Variants in GFRA2 observed in about 807,000 individuals in gnomAD.
The protein encoded by GFRA2 is GDNF family receptor alpha 2, also known as GDNF family receptor alpha-2.
In GFRA2, 17 loss-of-function variants were observed where a neutral mutation model predicts 48.3. The observed-to-expected ratio is 0.35, with a 90% CI of 0.24 to 0.53. The LOEUF (loss-of-function observed/expected upper bound fraction) is 0.53, where lower values mean the gene tolerates loss of function less well. Among genes scored for constraint, GFRA2 ranks in the 20% least tolerant of loss-of-function variants. The probability of loss-of-function intolerance (pLI) is 0.93; values close to 1 mark genes in which losing one functional copy is unlikely to be tolerated. For missense variants in GFRA2, 660 were observed against 637.3 expected (o/e 1.04, Z -0.38); for synonymous variants, 305 against 257.2 (o/e 1.19, Z -1.78).
At chr8:21,758,518 G>A (rs1475593872) in intron 3 of GFRA2, among the ~76,000 whole-genome samples, 1 of 152,054 alleles carries the variant, frequency 6.6e-6, no homozygotes, top group African/African-American at 2.4e-5. Context: ...CCGTCCCTGA[G>A]CCCACCCTGG....
intron 7 of GFRA2, among the ~76,000 whole-genome samples, chr8:21,699,200 G>A (rs887488271): frequency 6.6e-5 from 10 of 152,166 alleles, no homozygotes; most frequent in South Asian, 2.1e-4. Flanking sequence ...TGCACTGACC[G>A]GTCTCTCAGT....
At chr8:21,721,186 T>C (rs997605172) in intron 4 of GFRA2, among the ~76,000 whole-genome samples, 1 of 152,150 alleles carries the variant, frequency 6.6e-6, no homozygotes, top group Non-Finnish European at 1.5e-5. Flanking sequence ...CAAAGCAAAA[T>C]GTATCAATGT....
Position 21,750,110 on chromosome 8 carries a change from C to T in GFRA2, c.794+478G>A, listed in dbSNP as rs969470601. Among the ~76,000 whole-genome samples, 2 of 151,368 alleles carry T rather than the reference C, an allele frequency of 1.3e-5. No individual in the cohort carries two copies. The highest frequency in any genetic ancestry group is 2.9e-5 in the Non-Finnish European group (2 of 67,908). On this transcript the variant is annotated intron_variant, in intron 4 of 8. Coordinates refer to ENST00000524240, the MANE Select transcript of GFRA2 (RefSeq NM_001495.5). The surrounding 1 kb of genome is among the most constrained non-coding windows in gnomAD (Gnocchi z 5.7). Reference sequence around the variant, plus strand: ...GTATACACACACACACACACACACACGCACATATATAGGTAGAGACTGAGT... The same window carrying T: ...GTATACACACACACACACACACACATGCACATATATAGGTAGAGACTGAGT...
At chr8:21,784,144 G>A (rs1352025930) in intron 1 of GFRA2, among the ~76,000 whole-genome samples, 1 of 152,038 alleles carries the variant, frequency 6.6e-6, no homozygotes, top group African/African-American at 2.4e-5. Context: ...AGGAGGGAGG[G>A]GACAGGGAAA....
chr8:21,719,327 C>A (rs936288827), intron 4 of GFRA2, among the ~76,000 whole-genome samples: 1 of 152,058 alleles, frequency 6.6e-6, no homozygotes, highest in Non-Finnish European at 1.5e-5. Flanking sequence ...TCCTTGAGAC[C>A]GCCATTGGAT....
At position 21,690,559 on chromosome 8, in the gene GFRA2, C is replaced by T. The variant is rs980942563; in HGVS notation, c.*2719G>A. 2.0e-5 allele frequency: 3 copies of T among 152,222 alleles called. No individual in the cohort carries two copies. Among genetic ancestry groups the T allele is most frequent in the African/African-American group, 7.2e-5 (3 of 41,462 alleles). 9.4% of individuals were successfully genotyped at this position (152,222 alleles called of 1,614,324 possible). A position where few individuals can be genotyped will look rare whatever the true frequency, so the allele number is the denominator to read the frequency against. On this transcript the variant is annotated 3_prime_UTR_variant, in exon 9 of 9. Transcript: ENST00000524240. ...ACATTTGAGGGCAGAGTAAAGCTAG[C>T]TAGTATCCACTCCTCCTTCATAATG...
At chr8:21,781,476 A>T (rs915300587) in intron 2 of GFRA2, among the ~76,000 whole-genome samples, 3 of 151,708 alleles carry the variant, frequency 2.0e-5, no homozygotes, top group Non-Finnish European at 4.4e-5. Flanking sequence ...CCTATGTTCC[A>T]TTTCGTGACT....
intron 2 of GFRA2, among the ~76,000 whole-genome samples, chr8:21,781,595 G>C (rs1016544590): frequency 1.3e-5 from 2 of 152,074 alleles, no homozygotes; most frequent in Non-Finnish European, 2.9e-5. Context: ...ATCGCACCCT[G>C]TGTCTTCCCT....
At chr8:21,744,828 G>A (rs183842888) in intron 4 of GFRA2, among the ~76,000 whole-genome samples, 25 of 152,184 alleles carry the variant, frequency 1.6e-4, no homozygotes, top group East Asian at 1.5e-3. Flanking sequence ...CCTAAGGCTC[G>A]TGCGATATGA....
intron 1 of GFRA2, among the ~76,000 whole-genome samples, chr8:21,808,978 A>C (rs1251222389): frequency 7.2e-5 from 11 of 152,224 alleles, no homozygotes; most frequent in Admixed American, 6.5e-4. Flanking sequence ...AGCTGCCTCA[A>C]ATGCATTGTG....
At chr8:21,789,037 G>A (rs2117097335), upstream of GFRA2, among the ~76,000 whole-genome samples, 1 of 33,666 alleles carries the variant, frequency 3.0e-5, no homozygotes, top group East Asian at 1.7e-3. Flanking sequence ...GGCGGCGCGG[G>A]GCGCGGGGCG....
chr8:21,798,990 G>A (rs1468470446), intron 2 of GFRA2, among the ~76,000 whole-genome samples: 4 of 152,094 alleles, frequency 2.6e-5, no homozygotes, highest in Non-Finnish European at 5.9e-5. Flanking sequence ...TAGCCTTAGG[G>A]GCTGGCCCAT....
chr8:21,757,620 A>G (rs10095954), intron 3 of GFRA2, among the ~76,000 whole-genome samples: 17,161 of 151,804 alleles, frequency 0.11, 1,187 homozygotes, highest in African/African-American at 0.19. Flanking sequence ...CAGCCTCCTC[A>G]GAGTAGCTGG....
chr8:21,748,926 G>A (rs1316743023), intron 4 of GFRA2, among the ~76,000 whole-genome samples: 1 of 152,088 alleles, frequency 6.6e-6, no homozygotes, highest in South Asian at 2.1e-4. Context: ...TTTCCAACAG[G>A]CTTCTTCCCT....
chr8:21,732,796 C>A (rs534476717), intron 4 of GFRA2, among the ~76,000 whole-genome samples: 1 of 152,320 alleles, frequency 6.6e-6, no homozygotes, highest in African/African-American at 2.4e-5. Context: ...ACACACTTAA[C>A]CACTTCAACA....
rs909885760 is a variant in GFRA2 at position 21,803,173 on chromosome 8, C to T, written c.-36+1844G>A. Reference sequence around the variant, plus strand: ...GGTCACTCAGGGATCCAGGCTGACTCGTGCATTATCATCCTGCAGCTGCTA... The same window carrying T: ...GGTCACTCAGGGATCCAGGCTGACTTGTGCATTATCATCCTGCAGCTGCTA... On this transcript the variant is annotated intron_variant, in intron 2 of 10. Coordinates refer to the GFRA2 transcript ENST00000517328. Among the ~76,000 whole-genome samples, 26 of 152,322 alleles carry T rather than the reference C, an allele frequency of 1.7e-4. No individual in the cohort carries two copies. The East Asian group carries it at 4.4e-3, about 26-fold the overall frequency.
At chr8:21,804,526 A>T (rs557337959) in intron 2 of GFRA2, among the ~76,000 whole-genome samples, 20 of 152,184 alleles carry the variant, frequency 1.3e-4, no homozygotes, top group African/African-American at 4.6e-4. Context: ...GGGGAACAAA[A>T]TAGGACAGAT....
chr8:21,699,856 T>C (rs1412759173), intron 7 of GFRA2, among the ~76,000 whole-genome samples: 1 of 152,012 alleles, frequency 6.6e-6, no homozygotes, highest in East Asian at 1.9e-4. Flanking sequence ...AAGCACCCAC[T>C]CCATGCCAGG....
rs868683991 is a variant in GFRA2, at chr8:21,703,049, A to G, written c.1046-72T>C. On this transcript the variant is annotated intron_variant, in intron 6 of 8. Coordinates refer to ENST00000524240, the MANE Select transcript of GFRA2 (RefSeq NM_001495.5). ...CGTCACTCCTGTCCCTGCTCCTCAC[A>G]CTCTTCACCCTGACCACCCCCTTCC... The G allele has an allele frequency of 1.0e-5, 10 of 965,388 alleles. No individual in the cohort carries two copies. The African/African-American group carries it at 1.6e-4, about 15-fold the overall frequency. 59.8% of individuals were successfully genotyped at this position (965,388 alleles called of 1,614,324 possible).
Sources: allele counts gnomAD v4.1 joint callset (sites outside exome capture counted in the v4.1 genomes callset), GRCh38; gene constraint gnomAD v4.1.1; non-coding constraint Gnocchi (gnomAD v3.1); transcripts MANE v1.5; gene names NCBI Gene and HGNC (gene_info 2026-07-23, HGNC 2026-07-21).